Variants in SOS2 observed in about 807,000 individuals in gnomAD.
SOS2 encodes SOS Ras/Rho guanine nucleotide exchange factor 2.
Under a neutral mutation model 148.2 loss-of-function variants are expected in SOS2, and 65 were observed. The ratio of observed to expected loss-of-function variants is 0.44; its 90% confidence interval spans 0.36 to 0.54. The LOEUF is 0.54. Among genes scored for constraint, SOS2 ranks in the 20% least tolerant of loss-of-function variants. The pLI is 0.00. For missense variants in SOS2, 1,341 were observed against 1,590.2 expected, an observed-to-expected ratio of 0.84 and a Z score of 2.67; for synonymous variants, 539 against 537.1, an observed-to-expected ratio of 1.00 and a Z score of -0.05.
chr14:50,178,125 G>C (rs1284187815), intron 7 of SOS2, among the ~76,000 whole-genome samples: 2 of 152,170 alleles, frequency 1.3e-5, no homozygotes, highest in African/African-American at 4.8e-5. Context: ...GAGCTGATAT[G>C]GTTTGATTTT....
In SOS2 at chr14:50,130,534, C is replaced by T. The variant is rs753815599; in HGVS notation, c.3304G>A (p.Val1102Ile). ...PPVSASSDLS[V>I]FLDVDLNSSC... ...CTGTTGAGATCCACATCTAAAAATACACTAAGGTCTGAAGAAGCAGATACT... is the reference window on the plus strand; with the variant it reads ...CTGTTGAGATCCACATCTAAAAATATACTAAGGTCTGAAGAAGCAGATACT... Residue 1102 changes from valine (V) to isoleucine (I), a missense_variant, in exon 20 of 23, where the codon GTA (valine) becomes ATA (isoleucine). Around this residue, in one of 4 missense-constraint regions of SOS2, gnomAD observed 354 missense variants for 347.7 expected, o/e 1.02. Transcript: ENST00000216373. 15 of 1,613,860 alleles carry T rather than the reference C, an allele frequency of 9.3e-6. No individual in the cohort carries two copies. The South Asian group carries it at 1.6e-4, about 18-fold the overall frequency.
In SOS2 at chr14:50,182,625, G is replaced by C; in HGVS notation, c.715-19C>G. On this transcript the variant is annotated intron_variant, in intron 5 of 22. Transcript: ENST00000216373. Reference sequence around the variant, plus strand: ...CGATATCCTGAAAAAAGAGAAGGAAGGTTAAGAAATGTGAGATTGAGAATT... The same window carrying C: ...CGATATCCTGAAAAAAGAGAAGGAACGTTAAGAAATGTGAGATTGAGAATT... The C allele has an allele frequency of 6.3e-7, 1 of 1,585,584 alleles. No individual in the cohort carries two copies. The highest frequency in any genetic ancestry group is 1.1e-5 in the South Asian group (1 of 89,762).
chr14:50,201,978 G>T (rs917739216), intron 2 of SOS2, among the ~76,000 whole-genome samples: 14 of 152,152 alleles, frequency 9.2e-5, no homozygotes, highest in African/African-American at 3.4e-4. Flanking sequence ...TCTCACTCTT[G>T]TCACTCTGTC....
intron 7 of SOS2, among the ~76,000 whole-genome samples, chr14:50,175,604 C>G (rs1885498532): frequency 6.6e-6 from 1 of 151,954 alleles, no homozygotes; most frequent in African/African-American, 2.4e-5. Context: ...CCTTAAAGCT[C>G]TCTGTGCCTT....
Position 50,118,469 on chromosome 14 carries a change from C to T in SOS2, c.3874G>A (p.Val1292Ile). 6.2e-7 allele frequency: 1 copy of T among 1,614,036 alleles called. No homozygotes were observed. Among genetic ancestry groups the T allele is most frequent in the Non-Finnish European group, 8.5e-7 (1 of 1,179,994 alleles). The change falls in exon 23 of 23, where the codon GTT becomes ATT. Residue 1292 changes from valine (V) to isoleucine (I), a missense_variant. By Grantham distance (29) the Val-to-Ile change is conservative (BLOSUM62 3). This residue lies in a region of SOS2 where 354 missense variants were observed against 347.7 expected (regional missense o/e 1.02). Transcript: ENST00000216373. ...GGGCTTGAATTCTGCCTTGGTGGAACAGGGGGAGCTGGAGGATGAGCAAGA... is the reference window on the plus strand; with the variant it reads ...GGGCTTGAATTCTGCCTTGGTGGAATAGGGGGAGCTGGAGGATGAGCAAGA... The part of the protein sequence containing the change: ...NNLAHPPAPP[V>I]PPRQNSSPHL...
chr14:50,182,382 A>G (rs1885772824), intron 6 of SOS2, 81 bp downstream of exon 6: 2 of 1,260,724 alleles, frequency 1.6e-6, no homozygotes, highest in South Asian at 1.3e-5. Context: ...GGGTCTCACT[A>G]TGTTGCCAAG....
At chr14:50,163,336 A>C (rs1405838635) in intron 8 of SOS2, among the ~76,000 whole-genome samples, 1 of 152,144 alleles carries the variant, frequency 6.6e-6, no homozygotes. Flanking sequence ...TTCCAAGAGC[A>C]ATCTCAAAAG....
At chr14:50,169,473 T>TAA (rs1436444619) in intron 8 of SOS2, among the ~76,000 whole-genome samples, 1 of 150,538 alleles carries the variant, frequency 6.6e-6, no homozygotes, top group African/African-American at 2.4e-5. Context: ...CCATCTCTAC[T>TAA]AAAAAAAAAT....
At chr14:50,196,929 G>A (rs938214328) in intron 4 of SOS2, among the ~76,000 whole-genome samples, 2 of 152,064 alleles carry the variant, frequency 1.3e-5, no homozygotes, top group Non-Finnish European at 2.9e-5. Flanking sequence ...GTGCAGTGGC[G>A]TGATCTCGAT....
intron 12 of SOS2, among the ~76,000 whole-genome samples, chr14:50,153,974 C>T (rs993200436): frequency 7.0e-6 from 1 of 143,762 alleles, no homozygotes; most frequent in Non-Finnish European, 1.5e-5. Context: ...TTTCAAAAGA[C>T]AAAAATAGAA....
chr14:50,194,804 A>T (rs1226905771), intron 4 of SOS2, among the ~76,000 whole-genome samples: 1 of 150,378 alleles, frequency 6.6e-6, no homozygotes, highest in Non-Finnish European at 1.5e-5. Context: ...TAAATTAAAT[A>T]AAATAATATG....
At chr14:50,196,899 A>AC (rs1486580405) in intron 4 of SOS2, among the ~76,000 whole-genome samples, 1 of 152,102 alleles carries the variant, frequency 6.6e-6, no homozygotes. Flanking sequence ...ACAGTGTCTC[A>AC]CTCTGTCACC....
At chr14:50,174,412 T>C in intron 8 of SOS2, 42 bp downstream of exon 8, 1 of 1,064,032 alleles carries the variant, frequency 9.4e-7, no homozygotes, top group African/African-American at 1.6e-5. Flanking sequence ...AGTAAACTCT[T>C]CTATTAGATA....
intron 1 of SOS2, among the ~76,000 whole-genome samples, chr14:50,218,147 A>G (rs1275038646): frequency 6.6e-6 from 1 of 150,904 alleles, no homozygotes; most frequent in East Asian, 1.9e-4. Context: ...AACAAAAAAA[A>G]AAAAAGAAAG....
intron 1 of SOS2, among the ~76,000 whole-genome samples, chr14:50,220,405 C>CAAAAAAAAAAAAAAAA (rs367829144): frequency 0.013 from 399 of 30,350 alleles, 75 homozygotes; most frequent in East Asian, 0.023. Flanking sequence ...GACTCCATCT[C>CAAAAAAAAAAAAAAAA]AAAAAAAAAA....
rs1430220795 is a variant in SOS2 at position 50,158,612 on chromosome 14, A to G, written c.1887T>C (p.Tyr629=). ...ATTCCTGTGGTTTACAAAATGAACG[A>G]TATGTGGTAAGAAAAGTACGAACAA... ...PNFVRTFLTT[Y]RSFCKPQELL... is the part of the protein sequence containing the mutation. Residue 629 remains tyrosine, a synonymous_variant, in exon 11 of 23, where the codon TAT becomes TAC. Coordinates refer to ENST00000216373, the MANE Select transcript of SOS2 (RefSeq NM_006939.4). 1 of 1,610,206 alleles carries G rather than the reference A, an allele frequency of 6.2e-7. No homozygotes were observed. The highest frequency in any genetic ancestry group is 1.1e-5 in the South Asian group (1 of 90,422).
At chr14:50,191,929 T>C (rs900786286) in intron 4 of SOS2, among the ~76,000 whole-genome samples, 1 of 152,038 alleles carries the variant, frequency 6.6e-6, no homozygotes. Context: ...ACTGGGAGGA[T>C]TGCTTGAGCC....
intron 1 of SOS2, among the ~76,000 whole-genome samples, chr14:50,208,341 TA>T (rs1347952618): frequency 1.3e-5 from 2 of 151,578 alleles, no homozygotes; most frequent in African/African-American, 2.4e-5. Context: ...TTTCATTTGA[TA>T]AAGGATGTAT....
At position 50,145,610 on chromosome 14, in the gene SOS2, A is replaced by C; in HGVS notation, c.2385-14T>G. ...GGTTGAACTTTCCTATGGAATTGAA[A>C]ATCAGTGCAACTTAACCTATAAAGG... On this transcript the variant is annotated splice_polypyrimidine_tract_variant and intron_variant, in intron 14 of 22. Transcript: ENST00000216373. 2 of 1,540,150 alleles carry C rather than the reference A, an allele frequency of 1.3e-6. No homozygotes were observed. The highest frequency in any genetic ancestry group is 1.8e-6 in the Non-Finnish European group (2 of 1,132,232).
Sources: gnomAD v4.1 joint callset for allele counts (sites outside exome capture counted in the v4.1 genomes callset) on GRCh38, gnomAD v4.1.1 for gene constraint, gnomAD v4.1.1 regional missense constraint, MANE v1.5 for transcripts, NCBI Gene and HGNC (gene_info 2026-07-23, HGNC 2026-07-21) for gene names.